The following LRRC7 variants were observed in gnomAD, a reference collection of about 807,000 sequenced individuals.
The protein encoded by LRRC7 is leucine rich repeat containing 7, also known as leucine-rich repeat-containing protein 7.
Under a neutral mutation model 175.7 loss-of-function variants are expected in LRRC7, and 23 were observed. That is an observed-to-expected ratio of 0.13 (90% CI 0.09 to 0.19). The LOEUF is 0.19. LRRC7 is among the 10% of genes least tolerant of loss of function. The pLI, the probability that LRRC7 is intolerant of heterozygous loss-of-function variation, is 1.00. For missense variants in LRRC7, 1,354 were observed against 1,904.7 expected (o/e 0.71, Z 5.38); for synonymous variants, 685 against 680.9 (o/e 1.01, Z -0.09).
At chr1:70,091,944 C>T (rs1035670777) in intron 25 of LRRC7, among the ~76,000 whole-genome samples, 1 of 152,096 alleles carries the variant, frequency 6.6e-6, no homozygotes, top group Non-Finnish European at 1.5e-5. Context: ...ACAGAAGAAT[C>T]TCAATACTGC....
At chr1:70,100,855 A>G (rs555508639) in intron 25 of LRRC7, among the ~76,000 whole-genome samples, 68 of 152,064 alleles carry the variant, frequency 4.5e-4, no homozygotes, top group Admixed American at 3.3e-4. Context: ...ACTTCTCTTG[A>G]TGCATATAAA....
intron 7 of LRRC7, among the ~76,000 whole-genome samples, chr1:69,909,107 G>GT (rs1236021861): frequency 6.6e-5 from 10 of 150,830 alleles, no homozygotes; most frequent in Non-Finnish European, 1.2e-4. Context: ...GCCTTTTTTT[G>GT]TTTCCATTTG....
intron 7 of LRRC7, among the ~76,000 whole-genome samples, chr1:69,872,590 AT>A (rs1005703233): frequency 1.3e-5 from 2 of 152,058 alleles, no homozygotes; most frequent in Non-Finnish European, 2.9e-5. Context: ...TTTATAAATG[AT>A]TTTGTTCTCA....
chr1:69,605,252 A>G (rs1015964581), intron 1 of LRRC7, among the ~76,000 whole-genome samples: 2 of 152,162 alleles, frequency 1.3e-5, no homozygotes, highest in Non-Finnish European at 1.5e-5. Flanking sequence ...GCCTGCTGCT[A>G]TGTAAGACGT....
At chr1:69,794,138 T>C (rs1675439205) in intron 4 of LRRC7, among the ~76,000 whole-genome samples, 2 of 152,184 alleles carry the variant, frequency 1.3e-5, no homozygotes, top group South Asian at 4.1e-4. Flanking sequence ...CACTGTAGCA[T>C]CTGAATAAAG....
intron 1 of LRRC7, among the ~76,000 whole-genome samples, chr1:69,676,765 A>G (rs1659823140): frequency 6.6e-6 from 1 of 151,972 alleles, no homozygotes; most frequent in Non-Finnish European, 1.5e-5. Context: ...ATTCTTGAAA[A>G]CTGGTACTTT....
intron 1 of LRRC7, among the ~76,000 whole-genome samples, chr1:69,634,566 G>T (rs1207708260): frequency 1.3e-5 from 2 of 152,070 alleles, no homozygotes. Flanking sequence ...TTGAAACCTT[G>T]TAACTTTTAT....
rs541458391 is a variant in LRRC7, at chr1:69,567,925, A to C, written c.-715A>C. ...CATGAGCGGCGCCTCCTCGCCTGCC[A>C]ATCCTGGCACCTGTGCGCCGAGCCA... On this transcript the variant is annotated 5_prime_UTR_variant, in exon 1 of 27. Transcript: ENST00000651989. Among the ~76,000 whole-genome samples the C allele has an allele frequency of 5.7e-3, 864 of 151,902 alleles. 8 individuals carry two copies. The highest frequency in any genetic ancestry group is 0.019 in the African/African-American group (796 of 41,450).
intron 25 of LRRC7, among the ~76,000 whole-genome samples, chr1:70,095,065 G>A (rs1249955147): frequency 1.3e-5 from 2 of 152,100 alleles, no homozygotes; most frequent in African/African-American, 4.8e-5. Flanking sequence ...TATTGTATAT[G>A]TTTCTAAATT....
At chr1:70,030,044 C>A (rs1214023897) in intron 18 of LRRC7, among the ~76,000 whole-genome samples, 1 of 152,102 alleles carries the variant, frequency 6.6e-6, no homozygotes, top group Non-Finnish European at 1.5e-5. Flanking sequence ...CCTATCTCTT[C>A]CAAATAATTA....
intron 11 of LRRC7, among the ~76,000 whole-genome samples, chr1:69,995,175 C>T (rs955298460): frequency 6.6e-6 from 1 of 152,006 alleles, no homozygotes; most frequent in Non-Finnish European, 1.5e-5. Flanking sequence ...ATAAAATATA[C>T]TCCATTTATT....
At chr1:69,829,870 T>C (rs1680335352) in intron 5 of LRRC7, among the ~76,000 whole-genome samples, 1 of 151,788 alleles carries the variant, frequency 6.6e-6, no homozygotes, top group Non-Finnish European at 1.5e-5. Flanking sequence ...TTCCTCACAG[T>C]TCCTCATACA....
At chr1:69,799,682 T>G (rs1486510644) in intron 4 of LRRC7, among the ~76,000 whole-genome samples, 1 of 152,104 alleles carries the variant, frequency 6.6e-6, no homozygotes, top group Non-Finnish European at 1.5e-5. Context: ...CTGCAGACTT[T>G]CTGTTCACTC....
chr1:70,101,211 T>C (rs1370944962), intron 25 of LRRC7, among the ~76,000 whole-genome samples: 4 of 152,162 alleles, frequency 2.6e-5, no homozygotes, highest in Admixed American at 2.6e-4. Context: ...GTTTTGCCTC[T>C]AGAAACACTC....
chr1:69,672,875 T>A (rs970034043), intron 1 of LRRC7, among the ~76,000 whole-genome samples: 4 of 152,224 alleles, frequency 2.6e-5, no homozygotes, highest in African/African-American at 9.6e-5. Context: ...ATAATGTTAA[T>A]GAGCAGCCTG....
chr1:69,939,018 T>C (rs1648376856), intron 8 of LRRC7, among the ~76,000 whole-genome samples: 1 of 109,482 alleles, frequency 9.1e-6, no homozygotes, highest in South Asian at 2.6e-4. Context: ...TATATATCTA[T>C]ATATATATAT....
intron 8 of LRRC7, among the ~76,000 whole-genome samples, chr1:69,970,537 G>A (rs1468135851): frequency 6.6e-6 from 1 of 152,094 alleles, no homozygotes; most frequent in Non-Finnish European, 1.5e-5. Context: ...AAAGGAGATG[G>A]ATAAAATCCT....
At chr1:69,736,070 C>T (rs1359014697) in intron 2 of LRRC7, among the ~76,000 whole-genome samples, 1 of 152,054 alleles carries the variant, frequency 6.6e-6, no homozygotes, top group African/African-American at 2.4e-5. Context: ...AGCATTGTTC[C>T]ATTTTTTAAT....
intron 11 of LRRC7, among the ~76,000 whole-genome samples, chr1:69,999,723 G>A (rs1057003539): frequency 6.6e-6 from 1 of 152,130 alleles, no homozygotes; most frequent in Non-Finnish European, 1.5e-5. Context: ...ACAAGAGGGC[G>A]ACCAGCATGA....
Sources: allele counts gnomAD v4.1 joint callset (sites outside exome capture counted in the v4.1 genomes callset), GRCh38; gene constraint gnomAD v4.1.1; transcripts MANE v1.5; gene names NCBI Gene and HGNC (gene_info 2026-07-23, HGNC 2026-07-21).